RP1L1: variants seen among roughly 807,000 people sequenced by gnomAD.
The protein encoded by RP1L1 is retinitis pigmentosa 1-like 1 protein.
RP1L1 carries 27 observed loss-of-function variants against 15.7 expected under a neutral mutation model. The observed-to-expected ratio is 1.72, with a 90% CI of 1.27 to 2.38. The LOEUF (loss-of-function observed/expected upper bound fraction) is 2.38, where lower values mean the gene tolerates loss of function less well. Ranked by LOEUF, RP1L1 falls within the 30% of genes most tolerant of loss-of-function variation. The pLI is 0.00. For missense variants in RP1L1, 4,798 were observed against 3,075.9 expected (o/e 1.56, Z -13.24); for synonymous variants, 1,813 against 1,276.7 (o/e 1.42, Z -8.96).
intron 1 of RP1L1, among the ~76,000 whole-genome samples, chr8:10,647,594 G>T (rs972701041): frequency 6.6e-6 from 1 of 152,136 alleles, no homozygotes; most frequent in Non-Finnish European, 1.5e-5. Flanking sequence ...TGCAGTATTT[G>T]TCCTTTCGTG....
chr8:10,651,860 G>A (rs1379322097), intron 1 of RP1L1, among the ~76,000 whole-genome samples: 5 of 151,518 alleles, frequency 3.3e-5, no homozygotes, highest in Non-Finnish European at 1.5e-5. Context: ...TGGCATTTCT[G>A]TCAATGACAG....
intron 3 of RP1L1, 34 bp downstream of exon 3, chr8:10,616,411 CA>C (rs1256443578): frequency 6.2e-7 from 1 of 1,614,000 alleles, no homozygotes; most frequent in Middle Eastern, 1.7e-4. Context: ...CCATGCAGTG[CA>C]AATCAGATGG....
rs550386830 is a variant in RP1L1, at chr8:10,608,617, T to C, written c.5481A>G (p.Gly1827=). The C allele has an allele frequency of 1.2e-6, 2 of 1,614,166 alleles. No homozygotes were observed. Among genetic ancestry groups the C allele is most frequent in the Non-Finnish European group, 1.7e-6 (2 of 1,180,022 alleles). ...CTATGCCTTCGGCCCCATCACTCTG[T>C]CCTGGATCTTGGTCACCTCCTGCCG... ...EAAAGGDQDP[G]QSDGAEGIEA... The change falls in exon 4 of 4, where the codon GGA becomes GGG. Residue 1827 remains glycine, a synonymous_variant. Coordinates refer to ENST00000382483, the MANE Select transcript of RP1L1 (RefSeq NM_178857.6).
rs28694388 is a variant in RP1L1, at chr8:10,631,343, A to G, written c.-19-8123T>C. 4.9e-4 allele frequency among the ~76,000 whole-genome samples: 30 copies of G among 61,030 alleles called. 1 individual carries two copies. Among genetic ancestry groups the G allele is most frequent in the African/African-American group, 1.1e-3 (27 of 24,988 alleles). The allele number at this position is 61,030 out of a possible 152,430, so 40.0% of individuals were successfully genotyped here. On this transcript the variant is annotated intron_variant, in intron 1 of 3. Transcript: ENST00000382483. ...CACACGCACACACACATGCACACAC[A>G]CGCACACACATGCACACAAACACAC...
intron 2 of RP1L1, among the ~76,000 whole-genome samples, chr8:10,617,839 A>G (rs927189104): frequency 6.6e-6 from 1 of 152,120 alleles, no homozygotes; most frequent in Non-Finnish European, 1.5e-5. Flanking sequence ...TACAGGCGTG[A>G]GCCACTGCAC....
intron 2 of RP1L1, among the ~76,000 whole-genome samples, chr8:10,617,834 G>A (rs1013383097): frequency 6.6e-6 from 1 of 152,166 alleles, no homozygotes; most frequent in East Asian, 1.9e-4. Flanking sequence ...GGGATTACAG[G>A]CGTGAGCCAC....
chr8:10,611,766 G>A lies in RP1L1; in HGVS notation c.2332C>T (p.Pro778Ser), dbSNP rs778746980. The change falls in exon 4 of 4, where the codon CCC becomes TCC. Residue 778 changes from proline to serine, a missense_variant. Pro to Ser is a moderately conservative substitution (Grantham distance 74). Transcript: ENST00000382483. ...SRTCSPAPIP[P>S]HTSDSCSKSG... is the part of the protein sequence containing the mutation. Reference sequence around the variant, plus strand: ...TTTGAGCAGGAGTCGGATGTGTGGGGAGGTATGGGGGCCGGCGAGCATGTC... The same window carrying A: ...TTTGAGCAGGAGTCGGATGTGTGGGAAGGTATGGGGGCCGGCGAGCATGTC... The A allele has an allele frequency of 5.6e-6, 9 of 1,613,544 alleles. No individual in the cohort carries two copies. Among genetic ancestry groups the A allele is most frequent in the Non-Finnish European group, 7.6e-6 (9 of 1,180,008 alleles).
intron 3 of RP1L1, among the ~76,000 whole-genome samples, chr8:10,614,369 G>C (rs1269415590): frequency 1.3e-5 from 2 of 152,154 alleles, no homozygotes; most frequent in East Asian, 1.9e-4. Flanking sequence ...GTGGCTCTAA[G>C]AAAGAATGAG....
In RP1L1 at chr8:10,629,027, G is replaced by A. The variant is rs998494737; in HGVS notation, c.-19-5807C>T. Among the ~76,000 whole-genome samples the A allele has an allele frequency of 6.6e-5, 10 of 152,204 alleles. No individual in the cohort carries two copies. The East Asian group carries it at 1.7e-3, about 26-fold the overall frequency. ...CTGGTGCACCTCTGGCCCTGTGCTC[G>A]GCACATCACAAGTGCTGGACAAATG... On this transcript the variant is annotated intron_variant, in intron 1 of 3. Transcript: ENST00000382483.
chr8:10,645,522 A>G (rs933446537), intron 1 of RP1L1, among the ~76,000 whole-genome samples: 3 of 152,186 alleles, frequency 2.0e-5, no homozygotes, highest in African/African-American at 7.2e-5. Context: ...ACAGATGTCC[A>G]ATATCACTTT....
At chr8:10,625,414 A>G (rs985917760) in intron 1 of RP1L1, among the ~76,000 whole-genome samples, 1 of 141,392 alleles carries the variant, frequency 7.1e-6, no homozygotes, top group African/African-American at 2.7e-5. Context: ...GGAAAGACAC[A>G]GGGAAGAGGG....
At chr8:10,622,320 C>A (rs1273810215) in intron 2 of RP1L1, among the ~76,000 whole-genome samples, 19 of 107,010 alleles carry the variant, frequency 1.8e-4, no homozygotes, top group African/African-American at 5.1e-4. Flanking sequence ...AACTCCATCT[C>A]GAAAAAAACA....
rs377428634 is a variant in RP1L1 at position 10,611,106 on chromosome 8, G to A, written c.2992C>T (p.His998Tyr). Reference protein sequence around the residue: ...RGPEVDPGDDHSLEGLGEPAQ... With the variant: ...RGPEVDPGDDYSLEGLGEPAQ... ...GGCTCCCCCAGGCCTTCCAGAGAAT[G>A]GTCATCCCCAGGGTCCACCTCGGGG... Residue 998 changes from histidine (H) to tyrosine (Y), a missense_variant, in exon 4 of 4, where the codon CAT (histidine) becomes TAT (tyrosine). Coordinates refer to ENST00000382483, the MANE Select transcript of RP1L1 (RefSeq NM_178857.6). 4 of 1,612,886 alleles carry A rather than the reference G, an allele frequency of 2.5e-6. No homozygotes were observed. Among genetic ancestry groups the A allele is most frequent in the Non-Finnish European group, 3.4e-6 (4 of 1,180,014 alleles).
At chr8:10,626,427 A>G (rs754739331) in intron 1 of RP1L1, among the ~76,000 whole-genome samples, 1 of 152,130 alleles carries the variant, frequency 6.6e-6, no homozygotes, top group African/African-American at 2.4e-5. Context: ...AGAGAAAAAC[A>G]CGTGGGGCAT....
chr8:10,646,817 C>A (rs1042973161), intron 1 of RP1L1, among the ~76,000 whole-genome samples: 2 of 152,230 alleles, frequency 1.3e-5, no homozygotes, highest in Non-Finnish European at 2.9e-5. Context: ...CTGCTTTCCG[C>A]GGAGAGGCTA....
intron 1 of RP1L1, among the ~76,000 whole-genome samples, chr8:10,653,891 G>T (rs573132632): frequency 6.6e-6 from 1 of 152,290 alleles, no homozygotes; most frequent in Non-Finnish European, 1.5e-5. Flanking sequence ...CCTCCCCCAG[G>T]GAAGGAGTCC....
At chr8:10,648,519 G>C (rs984774932) in intron 1 of RP1L1, among the ~76,000 whole-genome samples, 1 of 152,188 alleles carries the variant, frequency 6.6e-6, no homozygotes, top group Admixed American at 6.5e-5. Flanking sequence ...GTTGCAGTGT[G>C]TGTTCCAGCA....
Position 10,607,414 on chromosome 8 carries a change from T to A in RP1L1, c.6684A>T (p.Val2228=), listed in dbSNP as rs757467832. The A allele has an allele frequency of 1.2e-6, 2 of 1,613,630 alleles. No individual in the cohort carries two copies. Among genetic ancestry groups the A allele is most frequent in the Non-Finnish European group, 1.7e-6 (2 of 1,179,850 alleles). The change falls in exon 4 of 4, where the codon GTA becomes GTT. Residue 2228 remains valine (V), a synonymous_variant. Coordinates refer to ENST00000382483, the MANE Select transcript of RP1L1 (RefSeq NM_178857.6). The part of the protein sequence containing the change: ...EEEAQPEPEG[V]ETPEAEGEAQ... The stretch of plus-strand genomic sequence containing the variant: ...CCTCCCCTTCAGCCTCCGGGGTCTC[T>A]ACGCCTTCTGGCTCTGGCTGGGCCT...
At chr8:10,619,366 G>A (rs1439490989) in intron 2 of RP1L1, among the ~76,000 whole-genome samples, 1 of 152,234 alleles carries the variant, frequency 6.6e-6, no homozygotes, top group Non-Finnish European at 1.5e-5. Context: ...AGAGAGGCAT[G>A]TGCCACTGAG....
Sources: gnomAD v4.1 joint callset for allele counts (sites outside exome capture counted in the v4.1 genomes callset) on GRCh38, gnomAD v4.1.1 for gene constraint, MANE v1.5 for transcripts, NCBI Gene and HGNC (gene_info 2026-07-23, HGNC 2026-07-21) for gene names.